The following CLSTN1 variants were observed in gnomAD, a reference collection of about 807,000 sequenced individuals.
The protein encoded by CLSTN1 is calsyntenin 1.
CLSTN1 carries 28 observed loss-of-function variants against 108.3 expected under a neutral mutation model. That is an observed-to-expected ratio of 0.26 (90% CI 0.19 to 0.35). The LOEUF is 0.35. Ranked by LOEUF, CLSTN1 falls within the 10% of genes least tolerant of loss-of-function variation. The pLI, the probability that CLSTN1 is intolerant of heterozygous loss-of-function variation, is 1.00. For synonymous variants in CLSTN1, 524 were observed against 534.9 expected (o/e 0.98, Z 0.28); for missense variants, 1,157 against 1,302.6 (o/e 0.89, Z 1.72).
Position 9,730,809 on chromosome 1 carries a change from C to G in CLSTN1, c.2749-104G>C. The G allele has an allele frequency of 2.8e-6, 3 of 1,090,374 alleles. No individual in the cohort carries two copies. Among genetic ancestry groups the G allele is most frequent in the Non-Finnish European group, 4.0e-6 (3 of 748,358 alleles). 67.5% of individuals were successfully genotyped at this position (1,090,374 alleles called of 1,614,324 possible). A position where few individuals can be genotyped will look rare whatever the true frequency, so the allele number is the denominator to read the frequency against. On this transcript the variant is annotated intron_variant, in intron 18 of 18. Coordinates refer to ENST00000377298, the MANE Select transcript of CLSTN1 (RefSeq NM_001009566.3). This position sits in a 1 kb window ranked among gnomAD's most constrained non-coding sequence, Gnocchi z 5.6. ...ACAGAGGAAGGAGAACTTGCCCCAG[C>G]GTCTCCCTCCCCAGCGACAGAGCAG...
chr1:9,749,849 A>G lies in CLSTN1; in HGVS notation c.714T>C (p.Thr238=), dbSNP rs1487494384. Residue 238 remains threonine, a synonymous_variant, in exon 6 of 19, where the codon ACT becomes ACC. Coordinates refer to ENST00000377298, the MANE Select transcript of CLSTN1 (RefSeq NM_001009566.3). Reference sequence around the variant, plus strand: ...CTCTTTTCTTCCCACAGTCATAGGCAGTGACGGTCAGCTTATATTGATGTT... The same window carrying G: ...CTCTTTTCTTCCCACAGTCATAGGCGGTGACGGTCAGCTTATATTGATGTT... ...GKEHQYKLTV[T]AYDCGKKRAT... is the part of the protein sequence containing the mutation. 3 of 1,613,846 alleles carry G rather than the reference A, an allele frequency of 1.9e-6. No individual in the cohort carries two copies. The East Asian group carries it at 6.7e-5, about 36-fold the overall frequency.
intron 3 of CLSTN1, among the ~76,000 whole-genome samples, chr1:9,755,798 C>CA (rs34292718): frequency 0.9 from 134,833 of 149,604 alleles, 60,752 homozygotes; most frequent in East Asian, 0.96. Flanking sequence ...GAAATTCTGT[C>CA]AAAAAAAAAA....
At chr1:9,743,263 C>T (rs775246168) in intron 9 of CLSTN1, among the ~76,000 whole-genome samples, 4 of 152,182 alleles carry the variant, frequency 2.6e-5, no homozygotes, top group Non-Finnish European at 4.4e-5. Flanking sequence ...TCTATCACAG[C>T]AACTGCTAGA....
At chr1:9,769,348 C>A (rs1309683703) in intron 2 of CLSTN1, among the ~76,000 whole-genome samples, 1 of 152,038 alleles carries the variant, frequency 6.6e-6, no homozygotes, top group Non-Finnish European at 1.5e-5. Flanking sequence ...GGAATGTTCA[C>A]AGCAGCATGA....
chr1:9,737,258 TG>T (rs34403180), intron 11 of CLSTN1, among the ~76,000 whole-genome samples: 103,859 of 151,598 alleles, frequency 0.69, 36,178 homozygotes, highest in African/African-American at 0.82. Flanking sequence ...TCAAACTGGA[TG>T]GGGGGGGAAG....
chr1:9,771,192 CAT>C (rs1021692975), intron 2 of CLSTN1, among the ~76,000 whole-genome samples: 2 of 152,112 alleles, frequency 1.3e-5, no homozygotes, highest in African/African-American at 4.8e-5. Flanking sequence ...TGCTCAAAAA[CAT>C]AAACTAAATA....
intron 10 of CLSTN1, among the ~76,000 whole-genome samples, chr1:9,738,561 C>A (rs3922953): frequency 3.9e-5 from 6 of 152,334 alleles, no homozygotes; most frequent in African/African-American, 1.2e-4. Flanking sequence ...AAGCTCTCCA[C>A]GGCCAACGTG....
At chr1:9,799,093 AC>A (rs1408164800) in intron 1 of CLSTN1, among the ~76,000 whole-genome samples, 7 of 152,126 alleles carry the variant, frequency 4.6e-5, no homozygotes, top group Non-Finnish European at 8.8e-5. Context: ...AGATGGGAGG[AC>A]CACTTGAGCC....
intron 1 of CLSTN1, among the ~76,000 whole-genome samples, chr1:9,779,401 C>T (rs568715403): frequency 1.2e-3 from 185 of 152,030 alleles, no homozygotes; most frequent in Non-Finnish European, 2.4e-4. Context: ...AGTGAAACTC[C>T]GTCTCTACCA....
chr1:9,780,857 T>C (rs1355878291), intron 1 of CLSTN1: 4 of 260,666 alleles, frequency 1.5e-5, no homozygotes, highest in East Asian at 9.0e-5. Flanking sequence ...CCATGGCGAG[T>C]AGCCGTGGCA....
chr1:9,773,292 T>A lies in CLSTN1; in HGVS notation c.194A>T (p.Asp65Val). 6.2e-7 allele frequency: 1 copy of A among 1,614,086 alleles called. No homozygotes were observed. The highest frequency in any genetic ancestry group is 8.5e-7 in the Non-Finnish European group (1 of 1,179,984). The change falls in exon 2 of 19, where the codon GAT (aspartate) becomes GTT (valine). Residue 65 changes from aspartate (D) to valine (V), a missense_variant. Asp to Val is a radical substitution (Grantham distance 152). Transcript: ENST00000377298. ...LDPPLIALDK[D>V]APLRFAESFE... ...CCTACCTGCAAATCGCAGAGGCGCATCTTTATCCAGCGCGATCAGTGGGGG... is the reference window on the plus strand; with the variant it reads ...CCTACCTGCAAATCGCAGAGGCGCAACTTTATCCAGCGCGATCAGTGGGGG...
chr1:9,795,151 A>G (rs1218095482), intron 1 of CLSTN1, among the ~76,000 whole-genome samples: 9 of 151,036 alleles, frequency 6.0e-5, no homozygotes, highest in African/African-American at 1.9e-4. Context: ...TACATCATTT[A>G]TAAAACAAAT....
intron 1 of CLSTN1, among the ~76,000 whole-genome samples, chr1:9,778,067 G>A (rs144431595): frequency 1.2e-3 from 176 of 152,144 alleles, no homozygotes; most frequent in East Asian, 7.7e-3. Context: ...CAGGGCCTTC[G>A]CTTCCTCATC....
chr1:9,776,058 C>T (rs886273477), intron 1 of CLSTN1, among the ~76,000 whole-genome samples: 1 of 151,534 alleles, frequency 6.6e-6, no homozygotes, highest in African/African-American at 2.4e-5. Flanking sequence ...CTGCAACCTT[C>T]GCCTCTCAGG....
Position 9,785,795 on chromosome 1 carries a change from C to CT in CLSTN1, c.92-12402dup, listed in dbSNP as rs77923873. On this transcript the variant is annotated intron_variant, in intron 1 of 18. Transcript: ENST00000377298. ...TTGTGCATTACATTGATGTGAATTT[C>CT]TTTTTTTTTTTTTTTCCGAGTCAGG... 3.2e-3 allele frequency among the ~76,000 whole-genome samples: 457 copies of CT among 142,152 alleles called. 2 individuals are homozygous for CT. In the Middle Eastern group the frequency reaches 0.038, roughly 12 times the overall value. The allele number at this position is 142,152 out of a possible 152,430, so 93.3% of individuals were successfully genotyped here.
At chr1:9,743,312 C>T (rs1651072705) in intron 9 of CLSTN1, among the ~76,000 whole-genome samples, 1 of 152,142 alleles carries the variant, frequency 6.6e-6, no homozygotes, top group South Asian at 2.1e-4. Flanking sequence ...CTCAGGCCTG[C>T]AATCCCAGCA....
chr1:9,781,216 G>A (rs1653227695), intron 1 of CLSTN1: 1 of 772,132 alleles, frequency 1.3e-6, no homozygotes, highest in Non-Finnish European at 2.3e-6. Context: ...AAGCACTAAA[G>A]GCTGCTGAAA....
intron 1 of CLSTN1, among the ~76,000 whole-genome samples, chr1:9,792,928 G>A (rs996026414): frequency 6.6e-6 from 1 of 151,372 alleles, no homozygotes; most frequent in African/African-American, 2.4e-5. Context: ...AGAGACAGAG[G>A]TGGACAGCCT....
At chr1:9,751,969 T>TG (rs1445070197) in intron 4 of CLSTN1, among the ~76,000 whole-genome samples, 2 of 152,064 alleles carry the variant, frequency 1.3e-5, no homozygotes, top group African/African-American at 4.8e-5. Context: ...GAGACTTGGG[T>TG]GTTTTTTTTT....
Sources: allele counts gnomAD v4.1 joint callset (sites outside exome capture counted in the v4.1 genomes callset), GRCh38; gene constraint gnomAD v4.1.1; non-coding constraint Gnocchi (gnomAD v3.1); transcripts MANE v1.5; gene names NCBI Gene and HGNC (gene_info 2026-07-23, HGNC 2026-07-21).